The following ADAM9 variants were observed in gnomAD, a reference collection of about 807,000 sequenced individuals.
ADAM9 encodes ADAM metallopeptidase domain 9, also known as disintegrin and metalloproteinase domain-containing protein 9.
ADAM9 carries 54 observed loss-of-function variants against 108.1 expected under a neutral mutation model. The observed-to-expected ratio is 0.50, with a 90% CI of 0.40 to 0.63. The LOEUF (loss-of-function observed/expected upper bound fraction) is 0.63. Among genes scored for constraint, ADAM9 ranks in the 20% least tolerant of loss-of-function variants. ADAM9 has a pLI of 0.00. For missense variants in ADAM9, 830 were observed against 997.7 expected (o/e 0.83, Z 2.26); for synonymous variants, 316 against 336.0 (o/e 0.94, Z 0.65).
At chr8:39,064,964 T>A (rs1342139409) in intron 14 of ADAM9, among the ~76,000 whole-genome samples, 2 of 152,206 alleles carry the variant, frequency 1.3e-5, no homozygotes, top group Admixed American at 1.3e-4. Flanking sequence ...GCTTGGAGAA[T>A]GACCTCTTCA....
chr8:39,037,345 G>A (rs924771631), intron 11 of ADAM9, among the ~76,000 whole-genome samples: 2 of 143,796 alleles, frequency 1.4e-5, no homozygotes, highest in South Asian at 2.2e-4. Context: ...CACCACGCCC[G>A]GCCTGCCTGC....
chr8:39,062,564 T>C (rs2129439980), intron 14 of ADAM9, among the ~76,000 whole-genome samples: 1 of 152,278 alleles, frequency 6.6e-6, no homozygotes, highest in Middle Eastern at 3.4e-3. Flanking sequence ...TTGACTCTGC[T>C]CTCCATTATG....
At chr8:39,071,734 GGATTAGAGGCGTGA>G (rs1420599975) in intron 15 of ADAM9, among the ~76,000 whole-genome samples, 1 of 152,078 alleles carries the variant, frequency 6.6e-6, no homozygotes, top group African/African-American at 2.4e-5. Context: ...CAAAGTGCTG[GGATTAGAGGCGTGA>G]GCCACTGTGC....
chr8:39,096,919 G>GCATTCTCTTTT (rs1250523567), intron 20 of ADAM9, among the ~76,000 whole-genome samples: 1 of 152,034 alleles, frequency 6.6e-6, no homozygotes, highest in East Asian at 1.9e-4. Flanking sequence ...TTGTCCATCT[G>GCATTCTCTTTT]CATTCTCTTT....
At chr8:39,045,566 G>A (rs1342833570) in intron 12 of ADAM9, among the ~76,000 whole-genome samples, 1 of 58,352 alleles carries the variant, frequency 1.7e-5, no homozygotes, top group African/African-American at 7.2e-5. Flanking sequence ...ATATGTGTGT[G>A]TGTGTATATA....
At chr8:38,999,535 G>C (rs1018977469) in intron 1 of ADAM9, among the ~76,000 whole-genome samples, 3 of 152,066 alleles carry the variant, frequency 2.0e-5, no homozygotes, top group Non-Finnish European at 2.9e-5. Context: ...TGTGTAGTAA[G>C]AACTTAGGTC....
intron 16 of ADAM9, among the ~76,000 whole-genome samples, chr8:39,082,383 T>G (rs1413631072): frequency 6.6e-6 from 1 of 152,196 alleles, no homozygotes; most frequent in Non-Finnish European, 1.5e-5. Flanking sequence ...AATATTCACA[T>G]GGAAGGATAG....
chr8:39,073,066 G>C (rs906495646), intron 15 of ADAM9, among the ~76,000 whole-genome samples: 5 of 152,198 alleles, frequency 3.3e-5, no homozygotes, highest in African/African-American at 4.8e-5. Context: ...CTAATATGTG[G>C]GCCAGCCTCT....
chr8:39,081,478 G>A (rs1839023316), intron 16 of ADAM9, among the ~76,000 whole-genome samples: 1 of 152,160 alleles, frequency 6.6e-6, no homozygotes, highest in South Asian at 2.1e-4. Flanking sequence ...GAAACTCTTG[G>A]TAAATATCTC....
chr8:39,023,195 C>A lies in ADAM9; in HGVS notation c.784C>A (p.Leu262Met). Residue 262 changes from leucine to methionine, a missense_variant, in exon 9 of 22, where the codon CTG becomes ATG. Physicochemically the swap from Leu to Met is conservative, Grantham distance 15. This residue lies in a region of ADAM9 where 381 missense variants were observed against 539.8 expected (regional missense o/e 0.71). Coordinates refer to ENST00000487273, the MANE Select transcript of ADAM9 (RefSeq NM_003816.3). Reference protein sequence around the residue: ...MLNIRIVLVGLEIWTNGNLIN... With the variant: ...MLNIRIVLVGMEIWTNGNLIN... ...AAATATTCGAATTGTGCTAGTTGGA[C>A]TGGAGATTTGGACCAATGGAAACCT... is the stretch of plus-strand genomic sequence containing the variant. The A allele has an allele frequency of 6.2e-7, 1 of 1,613,510 alleles. No individual in the cohort carries two copies. Among genetic ancestry groups the A allele is most frequent in the Non-Finnish European group, 8.5e-7 (1 of 1,179,736 alleles).
chr8:39,091,341 G>T lies in ADAM9; in HGVS notation c.2293G>T (p.Glu765Ter). ...TGTTTCTCCAGTGACACCTCCCAGA[G>T]AAGTTGTAAGTATAAAATGAAAAAT... is the stretch of plus-strand genomic sequence containing the variant. ...RHVSPVTPPR[E>*]VPIYANRFAV... Residue 765 changes from glutamate (E) to a stop codon, truncating the protein, a stop_gained, in exon 20 of 22, where the codon GAA (glutamate) becomes TAA (stop). Coordinates refer to ENST00000487273, the MANE Select transcript of ADAM9 (RefSeq NM_003816.3). LOFTEE classifies it high-confidence loss of function. 1 of 1,613,340 alleles carries T rather than the reference G, an allele frequency of 6.2e-7. No individual in the cohort carries two copies. Among genetic ancestry groups the T allele is most frequent in the Non-Finnish European group, 8.5e-7 (1 of 1,179,320 alleles).
intron 1 of ADAM9, among the ~76,000 whole-genome samples, chr8:39,003,456 C>G (rs1836064979): frequency 1.4e-5 from 2 of 147,494 alleles, no homozygotes; most frequent in Non-Finnish European, 3.0e-5. Context: ...TATTTTGGTT[C>G]CCATGAGAAA....
chr8:39,019,034 T>G (rs1836645819), intron 7 of ADAM9, 116 bp downstream of exon 7: 2 of 1,072,940 alleles, frequency 1.9e-6, no homozygotes, highest in Non-Finnish European at 1.4e-6. Flanking sequence ...AATAATGATT[T>G]TAAAACTAAA....
chr8:39,023,442 A>G (rs1317955371), intron 9 of ADAM9, 117 bp downstream of exon 9: 1 of 1,115,476 alleles, frequency 9.0e-7, no homozygotes, highest in Non-Finnish European at 1.3e-6. Flanking sequence ...TTAAATGAGG[A>G]AAACTTAGCT....
chr8:39,089,919 A>T (rs532383569), intron 18 of ADAM9, 128 bp from the exon 19 acceptor site: 1 of 1,039,158 alleles, frequency 9.6e-7, no homozygotes, highest in African/African-American at 1.6e-5. Flanking sequence ...AAGACTTCTC[A>T]ATATATTCAA....
intron 11 of ADAM9, among the ~76,000 whole-genome samples, chr8:39,029,131 G>GTTTTTTTTTT (rs35682054): frequency 2.1e-5 from 3 of 142,570 alleles, no homozygotes; most frequent in Non-Finnish European, 3.0e-5. Flanking sequence ...TGTTGTTGTT[G>GTTTTTTTTTT]TTTTTTTTTT....
intron 20 of ADAM9, among the ~76,000 whole-genome samples, chr8:39,096,623 TATC>T (rs1839515736): frequency 6.6e-6 from 1 of 152,206 alleles, no homozygotes; most frequent in African/African-American, 2.4e-5. Context: ...TTACCATTAT[TATC>T]GAGTTTTATA....
intron 3 of ADAM9, among the ~76,000 whole-genome samples, chr8:39,013,013 C>T (rs1836408243): frequency 6.6e-6 from 1 of 152,078 alleles, no homozygotes; most frequent in African/African-American, 2.4e-5. Context: ...CTTGAAAGGG[C>T]ATATTTATGA....
chr8:39,030,745 T>C lies in ADAM9; in HGVS notation c.1130+3935T>C, dbSNP rs113112979. The stretch of plus-strand genomic sequence containing the variant: ...GAATGAGAATTGCTGTTGCTCTACA[T>C]CTTTGTCAGAATTTGGTGTTGTCAG... On this transcript the variant is annotated intron_variant, in intron 11 of 21. Transcript: ENST00000487273. Among the ~76,000 whole-genome samples, 5 of 152,354 alleles carry C rather than the reference T, an allele frequency of 3.3e-5. 1 individual carries two copies. Among genetic ancestry groups the C allele is most frequent in the African/African-American group, 1.2e-4 (5 of 41,582 alleles).
Sources: gnomAD v4.1 joint callset for allele counts (sites outside exome capture counted in the v4.1 genomes callset) on GRCh38, gnomAD v4.1.1 for gene constraint, gnomAD v4.1.1 regional missense constraint, MANE v1.5 for transcripts, NCBI Gene and HGNC (gene_info 2026-07-23, HGNC 2026-07-21) for gene names.